The following TTN variants were observed in gnomAD, a reference collection of about 807,000 sequenced individuals.
TTN encodes the protein connectin.
TTN carries 1,525 observed loss-of-function variants against 3,223.0 expected under a neutral mutation model. The observed-to-expected ratio is 0.47, with a 90% CI of 0.45 to 0.49. The LOEUF is 0.49. TTN is among the 20% of genes least tolerant of loss of function. The pLI is 0.00. For synonymous variants in TTN, 14,094 were observed against 15,161.0 expected (o/e 0.93, Z 5.17); for missense variants, 40,786 against 43,424.0 (o/e 0.94, Z 5.40).
Position 178,552,265 on chromosome 2 carries a change from C to G in TTN, c.90635G>C (p.Arg30212Thr), listed in dbSNP as rs762512777. Residue 30212 changes from arginine (R) to threonine (T), a missense_variant, in exon 335 of 363, where the codon AGA (arginine) becomes ACA (threonine). By Grantham distance (71) the Arg-to-Thr change is moderately conservative (BLOSUM62 -1). Coordinates refer to ENST00000589042, the MANE Select transcript of TTN (RefSeq NM_001267550.2). ...YTVILDNAVCRIAVPITVITL... is the reference protein window; with the variant it reads ...YTVILDNAVCTIAVPITVITL... ...GATGACTGTAATGGGGACTGCAATT[C>G]TACACACTGCATTATCAAGAATAAC... The G allele has an allele frequency of 3.7e-6, 6 of 1,613,584 alleles. No homozygotes were observed. The highest frequency in any genetic ancestry group is 5.1e-6 in the Non-Finnish European group (6 of 1,179,696).
chr2:178,792,156 T>C lies in TTN; in HGVS notation c.1578A>G (p.Val526=). The C allele has an allele frequency of 6.2e-7, 1 of 1,611,690 alleles. No individual in the cohort carries two copies. The highest frequency in any genetic ancestry group is 8.5e-7 in the Non-Finnish European group (1 of 1,179,414). ...ETEKTFVPKV[V]ISAAKAKEQE... is the part of the protein sequence containing the mutation. Reference sequence around the variant, plus strand: ...GTTCTTTGGCTTTAGCTGCGGAAATTACTACCTTTGGTACAAATGTTTTTT... The same window carrying C: ...GTTCTTTGGCTTTAGCTGCGGAAATCACTACCTTTGGTACAAATGTTTTTT... Residue 526 remains valine, a synonymous_variant, in exon 10 of 363, where the codon GTA becomes GTG. Transcript: ENST00000589042.
Position 178,719,344 on chromosome 2 carries a change from C to G in TTN, c.24046G>C (p.Val8016Leu). The G allele has an allele frequency of 6.2e-7, 1 of 1,613,792 alleles. No individual in the cohort carries two copies. The change falls in exon 83 of 363, where the codon GTT becomes CTT. Residue 8016 changes from valine (V) to leucine (L), a missense_variant. Val to Leu is a conservative substitution (Grantham distance 32). Coordinates refer to ENST00000589042, the MANE Select transcript of TTN (RefSeq NM_001267550.2). ...TCATTTCCATCCTGAAACCAGCCAA[C>G]TGAAATCGGGGCTGAGCCAGAGACT... ...CRVSGSAPIS[V>L]GWFQDGNEIV... is the part of the protein sequence containing the mutation.
Position 178,723,904 on chromosome 2 carries a change from C to T in TTN, c.21355G>A (p.Ala7119Thr), listed in dbSNP as rs1254360704. The change falls in exon 73 of 363, where the codon GCT becomes ACT. Residue 7119 changes from alanine (A) to threonine (T), a missense_variant. Coordinates refer to ENST00000589042, the MANE Select transcript of TTN (RefSeq NM_001267550.2). Reference protein sequence around the residue: ...SDMGNYTCVAANVAGSDECRA... With the variant: ...SDMGNYTCVATNVAGSDECRA... Reference sequence around the variant, plus strand: ...CATTCATCAGACCCAGCGACATTAGCAGCCACGCATGTGTAATTGCCCATA... The same window carrying T: ...CATTCATCAGACCCAGCGACATTAGTAGCCACGCATGTGTAATTGCCCATA... 1 of 1,613,318 alleles carries T rather than the reference C, an allele frequency of 6.2e-7. No individual in the cohort carries two copies. Among genetic ancestry groups the T allele is most frequent in the Non-Finnish European group, 8.5e-7 (1 of 1,179,428 alleles).
intron 47 of TTN, chr2:178,748,211 C>G: frequency 1.2e-6 from 2 of 1,613,058 alleles, no homozygotes; most frequent in Non-Finnish European, 1.7e-6. Flanking sequence ...ACATGATTCA[C>G]TATAGATTTC....
intron 218 of TTN, among the ~76,000 whole-genome samples, chr2:178,642,937 A>T (rs1025185696): frequency 2.6e-5 from 4 of 152,018 alleles, no homozygotes; most frequent in Admixed American, 2.6e-4. Flanking sequence ...TTTCATGAAT[A>T]AGAAAATGTT....
At chr2:178,700,301 T>C (rs1260650460) in intron 111 of TTN, among the ~76,000 whole-genome samples, 1 of 152,230 alleles carries the variant, frequency 6.6e-6, no homozygotes, top group Admixed American at 6.5e-5. Flanking sequence ...TTGAATTTCC[T>C]CTAAGGCTGG....
rs925184690 is a variant in TTN at position 178,552,173 on chromosome 2, T to A, written c.90727A>T (p.Ile30243Phe). Reference protein sequence around the residue: ...RFDEIKADSVILSWDVPEDNG... With the variant: ...RFDEIKADSVFLSWDVPEDNG... ...TCTTCAGGTACATCCCATGACAGGATGACACTATCAGCCTTGATTTCATCA... is the reference window on the plus strand; with the variant it reads ...TCTTCAGGTACATCCCATGACAGGAAGACACTATCAGCCTTGATTTCATCA... Residue 30243 changes from isoleucine (I) to phenylalanine (F), a missense_variant, in exon 335 of 363, where the codon ATC becomes TTC. By Grantham distance (21) the Ile-to-Phe change is conservative. Transcript: ENST00000589042. 17 of 1,613,752 alleles carry A rather than the reference T, an allele frequency of 1.1e-5. No individual in the cohort carries two copies. In the African/African-American group the frequency reaches 2.3e-4, roughly 22 times the overall value.
chr2:178,633,052 G>C lies in TTN; in HGVS notation c.43087-8C>G, dbSNP rs772306836. 3 of 1,611,442 alleles carry C rather than the reference G, an allele frequency of 1.9e-6. No individual in the cohort carries two copies. Among genetic ancestry groups the C allele is most frequent in the Middle Eastern group, 1.7e-4 (1 of 6,030 alleles). Reference sequence around the variant, plus strand: ...CTCAATGATTTCACAGTCCTGTTTGGAGTGAGGGTTAGAAGGAAAGAAAGA... The same window carrying C: ...CTCAATGATTTCACAGTCCTGTTTGCAGTGAGGGTTAGAAGGAAAGAAAGA... On this transcript the variant is annotated splice_polypyrimidine_tract_variant and splice_region_variant and intron_variant, in intron 233 of 362. Coordinates refer to ENST00000589042, the MANE Select transcript of TTN (RefSeq NM_001267550.2).
rs2090020782 is a variant in TTN, at chr2:178,764,590, A to G, written c.9925T>C (p.Tyr3309His). The G allele has an allele frequency of 6.2e-7, 1 of 1,614,040 alleles. No individual in the cohort carries two copies. The highest frequency in any genetic ancestry group is 1.1e-5 in the South Asian group (1 of 91,088). ...IEAFPEDAAV[Y>H]TCEAKNDYGV... ...TAGTCATTCTTGGCTTCACAGGTAT[A>G]GACTGCCGCATCCTCTGGGAAGGCT... Residue 3309 changes from tyrosine to histidine, a missense_variant, in exon 42 of 363, where the codon TAT becomes CAT. Tyr to His is a moderately conservative substitution (Grantham distance 83). Coordinates refer to ENST00000589042, the MANE Select transcript of TTN (RefSeq NM_001267550.2).
In TTN at chr2:178,529,279, T is replaced by G. The variant is rs549076558; in HGVS notation, c.106532-60A>C. 1.3e-5 allele frequency: 16 copies of G among 1,236,770 alleles called. No homozygotes were observed. The Admixed American group carries it at 2.3e-4, about 18-fold the overall frequency. The allele number at this position is 1,236,770 out of a possible 1,614,324, so 76.6% of individuals were successfully genotyped here. On this transcript the variant is annotated intron_variant, in intron 359 of 362. Transcript: ENST00000589042. ...AGAAAGAGACCCCCACCTTTTACTC[T>G]TCTAGATTCTGCGTGTGAAAAACAT...
chr2:178,690,026 C>A, intron 121 of TTN, 130 bp from the exon 122 acceptor site: 3 of 695,892 alleles, frequency 4.3e-6, no homozygotes, highest in East Asian at 2.6e-5. Context: ...GCAAAATTAT[C>A]CAGAAAATTA....
At chr2:178,612,663 A>T in intron 265 of TTN, 87 bp from the exon 266 acceptor site, 1 of 1,539,142 alleles carries the variant, frequency 6.5e-7, no homozygotes, top group African/African-American at 1.4e-5. Flanking sequence ...TTAAGAAGTA[A>T]TGTAGCCAGG....
rs186240800 is a variant in TTN, at chr2:178,570,254, G to C, written c.75878C>G (p.Ser25293Cys). Residue 25293 changes from serine to cysteine, a missense_variant, in exon 326 of 363, where the codon TCT (serine) becomes TGT (cysteine). Physicochemically the swap from Ser to Cys is moderately radical, Grantham distance 112 (BLOSUM62 -1). Coordinates refer to ENST00000589042, the MANE Select transcript of TTN (RefSeq NM_001267550.2). ...TGGATTCTTGGCAACTACTGGCTCA[G>C]ATTCAAGAGGTTCACCAACACCATA... ...NKYGVGEPLESEPVVAKNPFV... is the reference protein window; with the variant it reads ...NKYGVGEPLECEPVVAKNPFV... 7 of 1,613,404 alleles carry C rather than the reference G, an allele frequency of 4.3e-6. No homozygotes were observed. The East Asian group carries it at 1.6e-4, about 36-fold the overall frequency.
chr2:178,638,748 T>G (rs1239128959), intron 223 of TTN, among the ~76,000 whole-genome samples: 1 of 151,978 alleles, frequency 6.6e-6, no homozygotes, highest in African/African-American at 2.4e-5. Context: ...TTACTTTGTT[T>G]TATTTTTGGT....
intron 47 of TTN, chr2:178,750,706 T>G: frequency 6.2e-7 from 1 of 1,612,740 alleles, no homozygotes; most frequent in Non-Finnish European, 8.5e-7. Flanking sequence ...TTTTTATTCT[T>G]TCACTAGCTA....
rs1022659821 is a variant in TTN at position 178,790,763 on chromosome 2, C to A, written c.1745G>T (p.Gly582Val). The change falls in exon 11 of 363, where the codon GGA (glycine) becomes GTA (valine). Residue 582 changes from glycine to valine, a missense_variant. By Grantham distance (109) the Gly-to-Val change is moderately radical. Coordinates refer to ENST00000589042, the MANE Select transcript of TTN (RefSeq NM_001267550.2). The part of the protein sequence containing the change: ...AKSTKLETVP[G>V]AQEETTTQQD... ...TTGTGTGGTAGTTTCTTCTTGAGCT[C>A]CCGGGACTGTTTCTAGTTTTGTGGA... 6.2e-7 allele frequency: 1 copy of A among 1,614,100 alleles called. No individual in the cohort carries two copies. The highest frequency in any genetic ancestry group is 1.3e-5 in the African/African-American group (1 of 75,030).
intron 218 of TTN, 125 bp downstream of exon 218, chr2:178,644,418 TATAAG>T (rs2061613209): frequency 1.5e-6 from 1 of 662,834 alleles, no homozygotes; most frequent in African/African-American, 1.9e-5. Context: ...GCCACAGAAA[TATAAG>T]AAATGAATGG....
At position 178,565,964 on chromosome 2, in the gene TTN, C is replaced by T. The variant is rs371615296; in HGVS notation, c.80168G>A (p.Arg26723His). Residue 26723 changes from arginine (R) to histidine (H), a missense_variant, in exon 326 of 363, where the codon CGT becomes CAT. Arg to His is a conservative substitution (Grantham distance 29). Coordinates refer to ENST00000589042, the MANE Select transcript of TTN (RefSeq NM_001267550.2). Reference sequence around the variant, plus strand: ...AGCATACGCTTTTCTGGTTGACTCACGTTTGTCAATCACATAGTTCTTGAC... The same window carrying T: ...AGCATACGCTTTTCTGGTTGACTCATGTTTGTCAATCACATAGTTCTTGAC... Reference protein sequence around the residue: ...AKVKNYVIDKRESTRKAYANV... With the variant: ...AKVKNYVIDKHESTRKAYANV... 26 of 1,613,502 alleles carry T rather than the reference C, an allele frequency of 1.6e-5. No individual in the cohort carries two copies. Among genetic ancestry groups the T allele is most frequent in the Middle Eastern group, 1.6e-4 (1 of 6,076 alleles).
rs746284241 is a variant in TTN, at chr2:178,573,694, A to G, written c.72438T>C (p.Pro24146=). Residue 24146 remains proline, a synonymous_variant, in exon 326 of 363, where the codon CCT becomes CCC. Coordinates refer to ENST00000589042, the MANE Select transcript of TTN (RefSeq NM_001267550.2). ...TSEKCVLSWF[P]PLDDGGAKID... ...TTTTGGCACCTCCATCATCCAGTGG[A>G]GGGAACCATGATAGTACACACTTTT... 4 of 1,524,930 alleles carry G rather than the reference A, an allele frequency of 2.6e-6. No individual in the cohort carries two copies. The highest frequency in any genetic ancestry group is 3.5e-6 in the Non-Finnish European group (4 of 1,137,790). 94.5% of individuals were successfully genotyped at this position (1,524,930 alleles called of 1,614,324 possible).
Sources: allele counts gnomAD v4.1 joint callset (sites outside exome capture counted in the v4.1 genomes callset), GRCh38; gene constraint gnomAD v4.1.1; transcripts MANE v1.5; gene names NCBI Gene and HGNC (gene_info 2026-07-23, HGNC 2026-07-21).